RGS6: variants seen among roughly 807,000 people sequenced by gnomAD.
RGS6 encodes regulator of G protein signaling 6.
In RGS6, 30 loss-of-function variants were observed where a neutral mutation model predicts 78.5. The observed-to-expected ratio is 0.38, with a 90% CI of 0.29 to 0.52. RGS6 has a LOEUF of 0.52. Among genes scored for constraint, RGS6 ranks in the 20% least tolerant of loss-of-function variants. The probability of loss-of-function intolerance (pLI) is 0.85; values close to 1 mark genes in which losing one functional copy is unlikely to be tolerated. For synonymous variants in RGS6, 206 were observed against 206.0 expected, an observed-to-expected ratio of 1.00 and a Z score of 0.00; for missense variants, 495 against 609.7, an observed-to-expected ratio of 0.81 and a Z score of 1.98.
At chr14:72,067,386 A>G (rs6574042) in intron 2 of RGS6, among the ~76,000 whole-genome samples, 143,951 of 152,234 alleles carry the variant, frequency 0.95, 68,084 homozygotes, top group Middle Eastern at 0.97. Flanking sequence ...CCTAGATAAT[A>G]GGTTGATGGG....
chr14:72,105,540 C>G (rs1445634581), intron 2 of RGS6, among the ~76,000 whole-genome samples: 1 of 152,082 alleles, frequency 6.6e-6, no homozygotes, highest in Non-Finnish European at 1.5e-5. Context: ...TTTGCTCTTT[C>G]TGTTATATTT....
chr14:71,903,161 C>A, the RGS6 span, among the ~76,000 whole-genome samples: 1 of 152,188 alleles, frequency 6.6e-6, no homozygotes, highest in Non-Finnish European at 1.5e-5. Context: ...GCAGTGCTCC[C>A]TTTAAAACTA....
the RGS6 span, among the ~76,000 whole-genome samples, chr14:71,925,564 T>G: frequency 6.6e-6 from 1 of 152,172 alleles, no homozygotes; most frequent in Non-Finnish European, 1.5e-5. Flanking sequence ...TAATCCATTT[T>G]GAGTTGACTT....
intron 2 of RGS6, among the ~76,000 whole-genome samples, chr14:71,981,535 T>G (rs558137055): frequency 0.049 from 7,482 of 151,450 alleles, 444 homozygotes; most frequent in African/African-American, 0.15. Context: ...GGTGTCAGTG[T>G]GCCCCTGCTG....
intron 13 of RGS6, among the ~76,000 whole-genome samples, chr14:72,502,338 C>T (rs1415178923): frequency 2.6e-5 from 4 of 152,242 alleles, no homozygotes; most frequent in African/African-American, 9.6e-5. Context: ...CCACCTCCAG[C>T]TGCCATCCAA....
intron 2 of RGS6, among the ~76,000 whole-genome samples, chr14:72,335,126 G>A (rs964925806): frequency 1.3e-5 from 2 of 152,022 alleles, no homozygotes; most frequent in Non-Finnish European, 2.9e-5. Context: ...CTCCTCGTTC[G>A]CCTTCCTCCA....
At chr14:72,348,555 G>A (rs983028956) in intron 2 of RGS6, among the ~76,000 whole-genome samples, 6 of 152,138 alleles carry the variant, frequency 3.9e-5, no homozygotes, top group Admixed American at 6.5e-5. Flanking sequence ...AGTATTACCC[G>A]ATATTGTAGT....
intron 17 of RGS6, among the ~76,000 whole-genome samples, chr14:72,555,577 C>CTGAG (rs528647172): frequency 9.2e-5 from 14 of 152,342 alleles, no homozygotes; most frequent in Admixed American, 6.5e-4. Flanking sequence ...TCCTTCATCC[C>CTGAG]TGAGTGTTTC....
At chr14:72,557,357 G>A (rs561323579) in intron 17 of RGS6, among the ~76,000 whole-genome samples, 4 of 152,302 alleles carry the variant, frequency 2.6e-5, no homozygotes, top group Admixed American at 6.5e-5. Flanking sequence ...AAGATGCCAC[G>A]GAATTCTTTG....
the RGS6 span, among the ~76,000 whole-genome samples, chr14:72,585,664 A>T: frequency 6.6e-6 from 1 of 152,232 alleles, no homozygotes; most frequent in Non-Finnish European, 1.5e-5. Flanking sequence ...TCTTCAGCCA[A>T]GGGCAATTCT....
chr14:72,453,232 A>T (rs1425898546), intron 3 of RGS6, among the ~76,000 whole-genome samples: 1 of 152,098 alleles, frequency 6.6e-6, no homozygotes, highest in African/African-American at 2.4e-5. Flanking sequence ...TCCAGGTACT[A>T]GGGATTCTAA....
At chr14:72,602,342 A>G in the RGS6 span, among the ~76,000 whole-genome samples, 1 of 152,214 alleles carries the variant, frequency 6.6e-6, no homozygotes, top group African/African-American at 2.4e-5. Context: ...ATGAGAGAGG[A>G]AGAACCATAC....
chr14:72,595,056 C>T, the RGS6 span: 3 of 152,228 alleles, frequency 2.0e-5, no homozygotes, highest in South Asian at 4.2e-4. Context: ...CATGGTGTCT[C>T]CCATAAATGA....
intron 17 of RGS6, among the ~76,000 whole-genome samples, chr14:72,550,132 C>T (rs1262490727): frequency 1.9e-5 from 2 of 103,728 alleles, no homozygotes; most frequent in African/African-American, 1.5e-4. Context: ...CTTTTTTCCT[C>T]TCCATCTTTT....
At chr14:72,624,048 T>C in the RGS6 span, among the ~76,000 whole-genome samples, 1 of 152,192 alleles carries the variant, frequency 6.6e-6, no homozygotes, top group Non-Finnish European at 1.5e-5. Flanking sequence ...ACAAATAAAA[T>C]ATGTTTAAAA....
the RGS6 span, among the ~76,000 whole-genome samples, chr14:71,868,686 T>C: frequency 2.0e-5 from 3 of 152,298 alleles, no homozygotes. Flanking sequence ...CACCTGTCCT[T>C]GGGACCTACG....
At position 72,510,148 on chromosome 14, in the gene RGS6, C is replaced by A. The variant is rs2096860930; in HGVS notation, c.966-6C>A. On this transcript the variant is annotated splice_polypyrimidine_tract_variant and splice_region_variant and intron_variant, in intron 13 of 17. Coordinates refer to ENST00000553525, the MANE Select transcript of RGS6 (RefSeq NM_001204424.2). ...CTTCTTTAAACCTTCTTCCTTCACCCCAAAGCAAAGAGCCCAGCCAACAGC... is the reference window on the plus strand; with the variant it reads ...CTTCTTTAAACCTTCTTCCTTCACCACAAAGCAAAGAGCCCAGCCAACAGC... 1 of 1,596,436 alleles carries A rather than the reference C, an allele frequency of 6.3e-7. No individual in the cohort carries two copies. Among genetic ancestry groups the A allele is most frequent in the Middle Eastern group, 1.7e-4 (1 of 5,924 alleles).
chr14:72,459,724 G>C (rs1386681392), intron 6 of RGS6, 41 bp downstream of exon 6: 16 of 1,597,980 alleles, frequency 1.0e-5, no homozygotes, highest in Non-Finnish European at 1.4e-5. Flanking sequence ...CTTCAACACT[G>C]TGTGTCACTT....
chr14:72,008,758 T>C (rs1264853077), intron 2 of RGS6, among the ~76,000 whole-genome samples: 1 of 152,158 alleles, frequency 6.6e-6, no homozygotes, highest in African/African-American at 2.4e-5. Flanking sequence ...CTAGTTCCAA[T>C]CAAGGCTTCA....
Sources: allele counts gnomAD v4.1 joint callset (sites outside exome capture counted in the v4.1 genomes callset), GRCh38; gene constraint gnomAD v4.1.1; transcripts MANE v1.5; gene names NCBI Gene and HGNC (gene_info 2026-07-23, HGNC 2026-07-21).